The following CLVS2 variants were observed in gnomAD, a reference collection of about 807,000 sequenced individuals.
The protein encoded by CLVS2 is clavesin 2.
CLVS2 carries 19 observed loss-of-function variants against 29.0 expected under a neutral mutation model. The ratio of observed to expected loss-of-function variants is 0.66; its 90% CI spans 0.46 to 0.96. The LOEUF is 0.96. Ranked by LOEUF, CLVS2 falls within the 40% of genes least tolerant of loss-of-function variation. CLVS2 has a pLI of 0.00. For missense variants in CLVS2, 294 were observed against 404.1 expected (o/e 0.73, Z 2.34); for synonymous variants, 161 against 151.3 (o/e 1.06, Z -0.47).
intron 4 of CLVS2, among the ~76,000 whole-genome samples, chr6:123,051,120 C>T (rs1454228377): frequency 6.6e-6 from 1 of 151,770 alleles, no homozygotes; most frequent in Non-Finnish European, 1.5e-5. Context: ...GTCAGTATCA[C>T]AATATTACTC....
At chr6:123,033,157 G>C (rs954525895) in intron 3 of CLVS2, among the ~76,000 whole-genome samples, 29 of 152,098 alleles carry the variant, frequency 1.9e-4, no homozygotes, top group African/African-American at 7.0e-4. Context: ...AAATTAAAAT[G>C]ACAAGATAAT....
intron 2 of CLVS2, among the ~76,000 whole-genome samples, chr6:123,004,181 C>T (rs1774630421): frequency 6.6e-6 from 1 of 152,124 alleles, no homozygotes; most frequent in Non-Finnish European, 1.5e-5. Context: ...GTACTTGGCC[C>T]TGATAAAAAT....
At chr6:123,063,604 A>C in intron 5 of CLVS2, 70 bp from the exon 6 acceptor site, 1 of 845,054 alleles carries the variant, frequency 1.2e-6, no homozygotes, top group Non-Finnish European at 2.0e-6. Flanking sequence ...GTAATGACAA[A>C]AAGAGGAGAG....
Position 123,071,770 on chromosome 6 carries a change from G to A in CLVS2, c.*8009G>A, listed in dbSNP as rs1158820079. ...GTTTCTAAGGTCTTTCCATGATCTTGAAATCTATATATTATAGTCATTTAG... is the reference window on the plus strand; with the variant it reads ...GTTTCTAAGGTCTTTCCATGATCTTAAAATCTATATATTATAGTCATTTAG... On this transcript the variant is annotated 3_prime_UTR_variant, in exon 6 of 6. Coordinates refer to ENST00000275162, the MANE Select transcript of CLVS2 (RefSeq NM_001010852.4). 6 of 151,918 alleles carry A rather than the reference G, an allele frequency of 3.9e-5. No homozygotes were observed. The highest frequency in any genetic ancestry group is 3.9e-4 in the Admixed American group (6 of 15,204). 9.4% of individuals were successfully genotyped at this position (151,918 alleles called of 1,614,324 possible). A position where few individuals can be genotyped will look rare whatever the true frequency, so the allele number is the denominator to read the frequency against.
intron 2 of CLVS2, among the ~76,000 whole-genome samples, chr6:123,008,724 TAC>T (rs995698989): frequency 6.6e-6 from 1 of 150,868 alleles, no homozygotes; most frequent in Non-Finnish European, 1.5e-5. Flanking sequence ...CAACCAGAAA[TAC>T]AGTCTTCCTG....
At chr6:123,060,853 A>G (rs1772766967) in intron 5 of CLVS2, among the ~76,000 whole-genome samples, 1 of 152,248 alleles carries the variant, frequency 6.6e-6, no homozygotes, top group Non-Finnish European at 1.5e-5. Flanking sequence ...TAGCAACTGG[A>G]GTTATGATCT....
In CLVS2 at chr6:123,065,949, A is replaced by G. The variant is rs1268560910; in HGVS notation, c.*2188A>G. On this transcript the variant is annotated 3_prime_UTR_variant, in exon 6 of 6. Transcript: ENST00000275162. Reference sequence around the variant, plus strand: ...TATGTATGCCTATCTAATTATAAGTATCATTCACACTGTCTCCCAGACCCA... The same window carrying G: ...TATGTATGCCTATCTAATTATAAGTGTCATTCACACTGTCTCCCAGACCCA... 1.3e-5 allele frequency: 2 copies of G among 151,748 alleles called. No homozygotes were observed. The highest frequency in any genetic ancestry group is 2.1e-4 in the South Asian group (1 of 4,824). 9.4% of individuals were successfully genotyped at this position (151,748 alleles called of 1,614,324 possible).
intron 3 of CLVS2, among the ~76,000 whole-genome samples, chr6:123,022,945 G>C (rs1217611465): frequency 1.3e-5 from 2 of 151,988 alleles, no homozygotes; most frequent in Non-Finnish European, 2.9e-5. Context: ...CTTAACATAA[G>C]GTGGATGATA....
At chr6:123,016,183 A>G (rs1774830567) in intron 3 of CLVS2, among the ~76,000 whole-genome samples, 2 of 151,896 alleles carry the variant, frequency 1.3e-5, no homozygotes, top group Admixed American at 1.3e-4. Flanking sequence ...GGGTAGTCAT[A>G]GAAACAGGAA....
At chr6:123,047,612 A>G (rs1259357652) in intron 3 of CLVS2, among the ~76,000 whole-genome samples, 2 of 152,214 alleles carry the variant, frequency 1.3e-5, no homozygotes, top group Non-Finnish European at 2.9e-5. Flanking sequence ...CTTATTCAAG[A>G]GAACATTTAA....
chr6:122,998,231 T>C (rs1774541170), intron 2 of CLVS2, 65 bp downstream of exon 2: 1 of 1,501,216 alleles, frequency 6.7e-7, no homozygotes, highest in African/African-American at 1.4e-5. Flanking sequence ...TTACCCCGAG[T>C]AGTGTCATGG....
chr6:123,063,175 T>A (rs1375854456), intron 5 of CLVS2, among the ~76,000 whole-genome samples: 1 of 152,194 alleles, frequency 6.6e-6, no homozygotes, highest in Admixed American at 6.5e-5. Context: ...TTTTGGTTGA[T>A]ACAATCATTA....
intron 4 of CLVS2, among the ~76,000 whole-genome samples, chr6:123,055,565 A>G (rs1162677747): frequency 6.6e-6 from 1 of 152,138 alleles, no homozygotes; most frequent in Non-Finnish European, 1.5e-5. Flanking sequence ...CTTTTACCCA[A>G]TAACTCTCTG....
At chr6:123,009,875 C>A (rs1774724070) in intron 2 of CLVS2, among the ~76,000 whole-genome samples, 1 of 152,058 alleles carries the variant, frequency 6.6e-6, no homozygotes, top group African/African-American at 2.4e-5. Flanking sequence ...AACTTAGAGT[C>A]TATAAGCTTT....
intron 2 of CLVS2, among the ~76,000 whole-genome samples, chr6:123,005,506 T>A (rs1408916745): frequency 2.0e-5 from 3 of 152,184 alleles, no homozygotes; most frequent in Admixed American, 1.3e-4. Flanking sequence ...TGCTGCTCAG[T>A]GCGATGCCAA....
In CLVS2 at chr6:122,997,939, C is replaced by T. The variant is rs776228035; in HGVS notation, c.162C>T (p.Ile54=). The change falls in exon 2 of 6, where the codon ATC becomes ATT. Residue 54 remains isoleucine (I), a synonymous_variant. Coordinates refer to ENST00000275162, the MANE Select transcript of CLVS2 (RefSeq NM_001010852.4). ...IGFLRTDDAF[I]LRFLRARKFH... is the part of the protein sequence containing the mutation. ...TTCTGCGCACGGATGATGCCTTCAT[C>T]TTACGCTTCTTGCGGGCTAGGAAGT... 3 of 1,614,066 alleles carry T rather than the reference C, an allele frequency of 1.9e-6. No individual in the cohort carries two copies. Among genetic ancestry groups the T allele is most frequent in the African/African-American group, 1.3e-5 (1 of 74,930 alleles).
chr6:123,037,107 G>A (rs1775165149), intron 3 of CLVS2, among the ~76,000 whole-genome samples: 1 of 151,472 alleles, frequency 6.6e-6, no homozygotes, highest in Admixed American at 6.6e-5. Context: ...TCTCTACCGT[G>A]GCCTGAGCTA....
At chr6:123,061,793 A>ATTT (rs1772783086) in intron 5 of CLVS2, among the ~76,000 whole-genome samples, 1 of 152,222 alleles carries the variant, frequency 6.6e-6, no homozygotes, top group Non-Finnish European at 1.5e-5. Flanking sequence ...GCAAATGCTT[A>ATTT]ACTATTGTGC....
Position 123,063,737 on chromosome 6 carries a change from G to T in CLVS2, c.960G>T (p.Met320Ile). The T allele has an allele frequency of 6.2e-7, 1 of 1,609,140 alleles. No individual in the cohort carries two copies. ...KRMDKNEEEN[M>I]QPLLSLD ...TGGATAAAAATGAGGAAGAAAACAT[G>T]CAACCATTGCTTTCTCTGGACTAAT... Residue 320 changes from methionine (M) to isoleucine (I), a missense_variant, in exon 6 of 6, where the codon ATG becomes ATT. Physicochemically the swap from Met to Ile is conservative, Grantham distance 10. Coordinates refer to ENST00000275162, the MANE Select transcript of CLVS2 (RefSeq NM_001010852.4).
Sources: gnomAD v4.1 joint callset for allele counts (sites outside exome capture counted in the v4.1 genomes callset) on GRCh38, gnomAD v4.1.1 for gene constraint, MANE v1.5 for transcripts, NCBI Gene and HGNC (gene_info 2026-07-23, HGNC 2026-07-21) for gene names.